The following CADM2 variants were observed in gnomAD, a reference collection of about 807,000 sequenced individuals.
The protein encoded by CADM2 is immunoglobulin superfamily member 4D.
Under a neutral mutation model 49.8 loss-of-function variants are expected in CADM2, and 12 were observed. The observed-to-expected ratio is 0.24, with a 90% CI of 0.15 to 0.39. CADM2 has a LOEUF of 0.39. Ranked by LOEUF, CADM2 falls within the 10% of genes least tolerant of loss-of-function variation. The probability of loss-of-function intolerance (pLI) is 1.00; values close to 1 mark genes in which losing one functional copy is unlikely to be tolerated. For missense variants in CADM2, 378 were observed against 492.3 expected (o/e 0.77, Z 2.20); for synonymous variants, 214 against 175.4 (o/e 1.22, Z -1.74).
chr3:85,935,315 T>C (rs1432034156), intron 6 of CADM2, among the ~76,000 whole-genome samples: 3 of 152,104 alleles, frequency 2.0e-5, no homozygotes, highest in African/African-American at 7.2e-5. Flanking sequence ...TGTGAGACAG[T>C]AATTGAGCTT....
intron 1 of CADM2, among the ~76,000 whole-genome samples, chr3:85,526,353 C>A (rs2061158890): frequency 6.6e-6 from 1 of 152,002 alleles, no homozygotes; most frequent in African/African-American, 2.4e-5. Flanking sequence ...TGCAAGTGTT[C>A]TAACAGGAAT....
rs187742566 is a variant in CADM2, at chr3:85,972,994, T to C, written c.970+11347T>C. On this transcript the variant is annotated intron_variant, in intron 8 of 9. Coordinates refer to ENST00000383699, the MANE Select transcript of CADM2 (RefSeq NM_001167675.2). ...AACCTGCGTTTAGAATATAGAACTA[T>C]TCTGTATGCTGCATTTTAATTTTTT... 1.3e-4 allele frequency among the ~76,000 whole-genome samples: 20 copies of C among 151,904 alleles called. No individual in the cohort carries two copies. The East Asian group carries it at 3.7e-3, about 28-fold the overall frequency.
At chr3:85,503,633 T>A (rs1404852457) in intron 1 of CADM2, among the ~76,000 whole-genome samples, 2 of 152,212 alleles carry the variant, frequency 1.3e-5, no homozygotes, top group African/African-American at 2.4e-5. Flanking sequence ...GTATTGTATA[T>A]TTCCCTACAT....
chr3:86,031,114 T>G (rs73136118), intron 8 of CADM2, among the ~76,000 whole-genome samples: 1 of 151,828 alleles, frequency 6.6e-6, no homozygotes, highest in Non-Finnish European at 1.5e-5. Flanking sequence ...GAAGGTTCAA[T>G]AGCATGGATT....
chr3:85,940,225 G>A (rs1721719031), intron 7 of CADM2, among the ~76,000 whole-genome samples: 1 of 147,542 alleles, frequency 6.8e-6, no homozygotes, highest in Non-Finnish European at 1.5e-5. Flanking sequence ...TGTAATCCCA[G>A]CTACTGGGGA....
chr3:85,523,673 A>G (rs1343347391), intron 1 of CADM2, among the ~76,000 whole-genome samples: 1 of 152,056 alleles, frequency 6.6e-6, no homozygotes, highest in Admixed American at 6.6e-5. Flanking sequence ...CTCATTCATT[A>G]TATAGGAAAC....
intron 8 of CADM2, chr3:85,993,240 G>A (rs1729000573): frequency 6.6e-6 from 1 of 152,152 alleles, no homozygotes; most frequent in South Asian, 2.1e-4. Flanking sequence ...ATCTTCACCA[G>A]GAGTAGATTT....
At chr3:85,299,822 T>C (rs1475552710) in intron 1 of CADM2, among the ~76,000 whole-genome samples, 2 of 152,064 alleles carry the variant, frequency 1.3e-5, no homozygotes, top group African/African-American at 2.4e-5. Flanking sequence ...AAAGATTTAA[T>C]AGGAGACCAT....
At position 85,505,198 on chromosome 3, in the gene CADM2, G is replaced by A. The variant is rs914488578; in HGVS notation, c.62-221324G>A. On this transcript the variant is annotated intron_variant, in intron 1 of 9. Coordinates refer to ENST00000383699, the MANE Select transcript of CADM2 (RefSeq NM_001167675.2). ...CCCAGGCAGAGGAGGCGCCGAGAGC[G>A]AGGGAGGGCTCTGAGGACTGCCAGC... Among the ~76,000 whole-genome samples the A allele has an allele frequency of 3.3e-5, 5 of 152,388 alleles. No individual in the cohort carries two copies. The East Asian group carries it at 7.7e-4, about 24-fold the overall frequency.
chr3:85,618,901 C>T (rs536593734), intron 1 of CADM2, among the ~76,000 whole-genome samples: 1 of 151,716 alleles, frequency 6.6e-6, no homozygotes, highest in Non-Finnish European at 1.5e-5. Flanking sequence ...GTAAAAGAGG[C>T]ATAGTTGTGG....
chr3:85,251,800 A>C (rs2042780068), intron 1 of CADM2, among the ~76,000 whole-genome samples: 1 of 152,022 alleles, frequency 6.6e-6, no homozygotes, highest in Non-Finnish European at 1.5e-5. Flanking sequence ...GTGTTTTCAA[A>C]TACTTCTCAG....
chr3:85,090,323 A>G (rs966295850), intron 1 of CADM2, among the ~76,000 whole-genome samples: 3 of 152,148 alleles, frequency 2.0e-5, no homozygotes, highest in Non-Finnish European at 2.9e-5. Context: ...AGTTATATGT[A>G]TACTATCTAA....
chr3:85,890,248 G>A (rs943515680), intron 5 of CADM2, among the ~76,000 whole-genome samples: 8 of 152,064 alleles, frequency 5.3e-5, no homozygotes, highest in African/African-American at 1.7e-4. Context: ...TTACATTCTT[G>A]TGAGAGTTTG....
intron 1 of CADM2, among the ~76,000 whole-genome samples, chr3:85,173,009 T>C (rs1192480953): frequency 4.0e-5 from 6 of 148,486 alleles, no homozygotes; most frequent in Non-Finnish European, 7.4e-5. Context: ...TTTTTTTTTT[T>C]TCTGAGATGG....
chr3:86,013,058 T>G (rs1285048557), intron 8 of CADM2: 12 of 1,243,716 alleles, frequency 9.6e-6, no homozygotes. Flanking sequence ...GTAGAACTAG[T>G]CCTTATAGGA....
chr3:85,758,106 A>G (rs113097035), intron 2 of CADM2, among the ~76,000 whole-genome samples: 371 of 152,312 alleles, frequency 2.4e-3, no homozygotes, highest in Non-Finnish European at 4.5e-3. Flanking sequence ...GGACAGGGAT[A>G]TATATAAGCT....
Position 86,065,627 on chromosome 3 carries a change from G to T in CADM2, c.993G>T (p.Gln331His), listed in dbSNP as rs745405105. 1.2e-6 allele frequency: 2 copies of T among 1,613,454 alleles called. No homozygotes were observed. Among genetic ancestry groups the T allele is most frequent in the South Asian group, 1.1e-5 (1 of 90,978 alleles). Reference protein sequence around the residue: ...IVHDPNALAGQNGPDHALIGG... With the variant: ...IVHDPNALAGHNGPDHALIGG... ...CAGATCCTAATGCTTTGGCTGGCCA[G>T]AATGGCCCTGACCATGCTCTCATAG... The change falls in exon 9 of 10, where the codon CAG becomes CAT. Residue 331 changes from glutamine to histidine, a missense_variant. Coordinates refer to ENST00000383699, the MANE Select transcript of CADM2 (RefSeq NM_001167675.2).
At chr3:85,335,900 A>G (rs1675090031) in intron 1 of CADM2, among the ~76,000 whole-genome samples, 1 of 151,422 alleles carries the variant, frequency 6.6e-6, no homozygotes, top group Non-Finnish European at 1.5e-5. Flanking sequence ...AAAGTAAAGC[A>G]AAAATAAGCA....
intron 2 of CADM2, among the ~76,000 whole-genome samples, chr3:85,742,846 T>A (rs2068451334): frequency 6.6e-6 from 1 of 152,198 alleles, no homozygotes; most frequent in Non-Finnish European, 1.5e-5. Context: ...CTTCTCGAAT[T>A]CCTATCCAGC....
Sources: gnomAD v4.1 joint callset for allele counts (sites outside exome capture counted in the v4.1 genomes callset) on GRCh38, gnomAD v4.1.1 for gene constraint, MANE v1.5 for transcripts, NCBI Gene and HGNC (gene_info 2026-07-23, HGNC 2026-07-21) for gene names.